RBM47: variants seen among roughly 807,000 people sequenced by gnomAD.
The protein encoded by RBM47 is RNA binding motif protein 47.
A neutral mutation model predicts 47.1 loss-of-function variants in RBM47; 21 were observed. The ratio of observed to expected loss-of-function variants is 0.45; its 90% CI spans 0.32 to 0.64. The LOEUF (loss-of-function observed/expected upper bound fraction) is 0.64, where lower values mean the gene tolerates loss of function less well. Ranked by LOEUF, RBM47 falls within the 30% of genes least tolerant of loss-of-function variation. RBM47 has a pLI of 0.05. For synonymous variants in RBM47, 375 were observed against 361.7 expected (o/e 1.04, Z -0.42); for missense variants, 708 against 870.9 (o/e 0.81, Z 2.35).
intron 1 of RBM47, among the ~76,000 whole-genome samples, chr4:40,621,370 CA>C (rs1737251255): frequency 6.6e-6 from 1 of 152,168 alleles, no homozygotes; most frequent in African/African-American, 2.4e-5. Flanking sequence ...GGCTAGCAAA[CA>C]AACATGACAG....
chr4:40,607,080 T>C (rs564515487), intron 1 of RBM47, among the ~76,000 whole-genome samples: 2 of 152,310 alleles, frequency 1.3e-5, no homozygotes, highest in African/African-American at 4.8e-5. Flanking sequence ...ATCTATTTAT[T>C]CAAAGTCCAG....
At chr4:40,479,496 G>A (rs904474435) in intron 2 of RBM47, among the ~76,000 whole-genome samples, 7 of 151,960 alleles carry the variant, frequency 4.6e-5, no homozygotes, top group Admixed American at 1.3e-4. Flanking sequence ...CCAGCTACTC[G>A]GGAAAATTGC....
intron 2 of RBM47, among the ~76,000 whole-genome samples, chr4:40,496,194 G>C (rs1204450883): frequency 6.6e-6 from 1 of 152,336 alleles, no homozygotes; most frequent in South Asian, 2.1e-4. Context: ...GACTAGGGTT[G>C]AATCAGATCA....
At chr4:40,607,641 G>C (rs1284261693) in intron 1 of RBM47, among the ~76,000 whole-genome samples, 1 of 152,096 alleles carries the variant, frequency 6.6e-6, no homozygotes, top group Non-Finnish European at 1.5e-5. Flanking sequence ...TGGGAGATCG[G>C]GGCTGCAGAG....
chr4:40,480,648 C>A (rs1720256812), intron 2 of RBM47, among the ~76,000 whole-genome samples: 1 of 152,158 alleles, frequency 6.6e-6, no homozygotes. Context: ...AAAGAGAATT[C>A]TCTTTGCATT....
chr4:40,593,418 C>T (rs953933094), intron 1 of RBM47, among the ~76,000 whole-genome samples: 1 of 152,072 alleles, frequency 6.6e-6, no homozygotes, highest in African/African-American at 2.4e-5. Flanking sequence ...CCTGGAAGAT[C>T]GCTTTAGAAA....
At chr4:40,527,521 C>A (rs1577887244) in intron 2 of RBM47, among the ~76,000 whole-genome samples, 1 of 146,302 alleles carries the variant, frequency 6.8e-6, no homozygotes, top group Non-Finnish European at 1.5e-5. Context: ...GAACTCCTGA[C>A]CTCAAGTCAT....
chr4:40,458,591 T>C (rs2154223879), intron 3 of RBM47, among the ~76,000 whole-genome samples: 1 of 152,320 alleles, frequency 6.6e-6, no homozygotes, highest in Admixed American at 6.5e-5. Flanking sequence ...ATGACCATAG[T>C]AGGCTGTTTA....
intron 1 of RBM47, among the ~76,000 whole-genome samples, chr4:40,620,233 C>A (rs1252765990): frequency 1.4e-5 from 2 of 142,902 alleles, no homozygotes; most frequent in Non-Finnish European, 3.0e-5. Context: ...CTGGGCCGGG[C>A]ACAGTGGCTC....
At chr4:40,511,035 T>C (rs1010666688) in intron 2 of RBM47, among the ~76,000 whole-genome samples, 2 of 152,220 alleles carry the variant, frequency 1.3e-5, no homozygotes, top group African/African-American at 4.8e-5. Context: ...CTGAAGGATT[T>C]TTCATTATCA....
chr4:40,528,949 AAAATAAAT>A lies in RBM47; in HGVS notation c.-155+15465_-155+15472del, dbSNP rs1553896750. ...CAGAGCGAGACTCCGTCTCAAAAAA[AAAATAAAT>A]AAATAAATAAATAAATAAATAAATA... On this transcript the variant is annotated intron_variant, in intron 2 of 6. Transcript: ENST00000295971. 2.1e-3 allele frequency among the ~76,000 whole-genome samples: 184 copies of A among 88,644 alleles called. 1 individual carries two copies. In the South Asian group the frequency reaches 0.022, roughly 11 times the overall value. The allele number at this position is 88,644 out of a possible 152,430, so 58.2% of individuals were successfully genotyped here.
At chr4:40,581,214 G>A (rs1732875972) in intron 1 of RBM47, among the ~76,000 whole-genome samples, 1 of 152,048 alleles carries the variant, frequency 6.6e-6, no homozygotes, top group South Asian at 2.1e-4. Flanking sequence ...TTGAGTCCAG[G>A]AGTTCGAGAC....
chr4:40,466,226 C>CAGAG (rs1717991497), intron 3 of RBM47, among the ~76,000 whole-genome samples: 1 of 148,766 alleles, frequency 6.7e-6, no homozygotes, highest in Non-Finnish European at 1.5e-5. Flanking sequence ...TGAGATCGTG[C>CAGAG]CACTGCACTC....
intron 3 of RBM47, among the ~76,000 whole-genome samples, chr4:40,455,302 G>T (rs1716067168): frequency 6.6e-6 from 1 of 152,222 alleles, no homozygotes; most frequent in South Asian, 2.1e-4. Context: ...ATGAGGCAGT[G>T]ATTCCACGCC....
intron 1 of RBM47, among the ~76,000 whole-genome samples, chr4:40,551,409 G>T (rs573352041): frequency 1.3e-5 from 2 of 152,202 alleles, no homozygotes; most frequent in East Asian, 3.9e-4. Context: ...TGCAAACTCC[G>T]ATTCTACCAT....
Position 40,562,183 on chromosome 4 carries a change from C to G in RBM47, c.-239-17677G>C, listed in dbSNP as rs184370160. On this transcript the variant is annotated intron_variant, in intron 1 of 6. Coordinates refer to ENST00000295971, the MANE Select transcript of RBM47 (RefSeq NM_001098634.2). The stretch of plus-strand genomic sequence containing the variant: ...AAGAGACCACCTGGTCTGCTGGACT[C>G]TAAGACTAGCAGGAGGGGTGGGTAA... Among the ~76,000 whole-genome samples, 476 of 152,252 alleles carry G rather than the reference C, an allele frequency of 3.1e-3. 1 individual carries two copies. The highest frequency in any genetic ancestry group is 5.4e-3 in the Non-Finnish European group (365 of 68,014).
At position 40,436,543 on chromosome 4, in the gene RBM47, G is replaced by A; in HGVS notation, c.1228C>T (p.Arg410Ter). 6.2e-7 allele frequency: 1 copy of A among 1,614,056 alleles called. No homozygotes were observed. Among genetic ancestry groups the A allele is most frequent in the Non-Finnish European group, 8.5e-7 (1 of 1,180,004 alleles). Residue 410 changes from arginine (R) to a stop codon, truncating the protein, a stop_gained, in exon 5 of 7, where the codon CGA (arginine) becomes TGA (stop). Transcript: ENST00000295971. LOFTEE classifies it high-confidence loss of function. Reference sequence around the variant, plus strand: ...TGCTTTCCTTTCCCTTCATGATATCGGCTATATATACCACGACCAGCAGAA... The same window carrying A: ...TGCTTTCCTTTCCCTTCATGATATCAGCTATATATACCACGACCAGCAGAA... ...GYSAGRGIYS[R>*]YHEGKGKQQE...
intron 2 of RBM47, among the ~76,000 whole-genome samples, chr4:40,494,221 A>G (rs1722273946): frequency 6.6e-6 from 1 of 152,186 alleles, no homozygotes; most frequent in Admixed American, 6.6e-5. Context: ...GGCATGTTGC[A>G]TTTATCCCCC....
At chr4:40,589,258 G>A (rs1239062234) in intron 1 of RBM47, among the ~76,000 whole-genome samples, 1 of 151,812 alleles carries the variant, frequency 6.6e-6, no homozygotes, top group Non-Finnish European at 1.5e-5. Flanking sequence ...GTGAGCCACA[G>A]CACCCGGCCC....
Sources: allele counts gnomAD v4.1 joint callset (sites outside exome capture counted in the v4.1 genomes callset), GRCh38; gene constraint gnomAD v4.1.1; transcripts MANE v1.5; gene names NCBI Gene and HGNC (gene_info 2026-07-23, HGNC 2026-07-21).